VPS33B: variants seen among roughly 807,000 people sequenced by gnomAD.
The protein encoded by VPS33B is VPS33B late endosome and lysosome associated, also known as vacuolar protein sorting-associated protein 33B.
A neutral mutation model predicts 95.3 loss-of-function variants in VPS33B; 80 were observed. The observed-to-expected ratio is 0.84, with a 90% CI of 0.70 to 1.01. The LOEUF is 1.01. VPS33B is among the 50% of genes least tolerant of loss of function. The pLI, the probability that VPS33B is intolerant of heterozygous loss-of-function variation, is 0.00. For synonymous variants in VPS33B, 280 were observed against 280.4 expected (o/e 1.00, Z 0.01); for missense variants, 715 against 773.4 (o/e 0.92, Z 0.90).
At position 91,005,564 on chromosome 15, in the gene VPS33B, C is replaced by T. The variant is rs915124154; in HGVS notation, c.1031-110G>A. ...AGGCAAAATCCGAAAGCACTTCTTC[C>T]CACTTTACACCAAGTAAGACCATAT... On this transcript the variant is annotated intron_variant, in intron 13 of 22. Coordinates refer to ENST00000333371, the MANE Select transcript of VPS33B (RefSeq NM_018668.5). This position sits in a 1 kb window ranked among gnomAD's most constrained non-coding sequence, Gnocchi z 6.4. 6.3e-7 allele frequency: 1 copy of T among 1,580,868 alleles called. No homozygotes were observed. The highest frequency in any genetic ancestry group is 8.7e-7 in the Non-Finnish European group (1 of 1,150,118).
At chr15:91,017,187 T>A in intron 2 of VPS33B, 163 bp from the exon 3 acceptor site, 1 of 675,838 alleles carries the variant, frequency 1.5e-6, no homozygotes, top group East Asian at 2.8e-5. Flanking sequence ...CCACTGAATT[T>A]TCCTCAAACT....
rs149777760 is a variant in VPS33B, at chr15:91,016,922, C to T, written c.239+41G>A. ...AAGGCAGACGTGCCCCTAGGGACCT[C>T]TTCCAGCTTGGAGTAGGGACAGACT... On this transcript the variant is annotated intron_variant, in intron 3 of 22. Coordinates refer to ENST00000333371, the MANE Select transcript of VPS33B (RefSeq NM_018668.5). 446 of 1,607,678 alleles carry T rather than the reference C, an allele frequency of 2.8e-4. 5 individuals are homozygous for T. In the East Asian group the frequency reaches 8.9e-3, roughly 32 times the overall value.
At chr15:91,012,069 GAAA>G (rs75535328) in intron 5 of VPS33B, among the ~76,000 whole-genome samples, 1 of 104,332 alleles carries the variant, frequency 9.6e-6, no homozygotes, top group Non-Finnish European at 2.1e-5. Flanking sequence ...AATTTGAAAA[GAAA>G]AAAAAAAAAA....
intron 5 of VPS33B, among the ~76,000 whole-genome samples, chr15:91,012,510 T>A (rs1233136075): frequency 6.6e-6 from 1 of 152,224 alleles, no homozygotes; most frequent in Non-Finnish European, 1.5e-5. Context: ...AGGGTGGATT[T>A]TATCCAGACA....
Position 91,002,149 on chromosome 15 carries a change from T to C in VPS33B, c.1306A>G (p.Asn436Asp). The C allele has an allele frequency of 6.2e-7, 1 of 1,614,140 alleles. No individual in the cohort carries two copies. The highest frequency in any genetic ancestry group is 8.5e-7 in the Non-Finnish European group (1 of 1,180,016). The change falls in exon 18 of 23, where the codon AAT becomes GAT. Residue 436 changes from asparagine (N) to aspartate (D), a missense_variant. Coordinates refer to ENST00000333371, the MANE Select transcript of VPS33B (RefSeq NM_018668.5). The surrounding 1 kb of genome is among the most constrained non-coding windows in gnomAD (Gnocchi z 4.7). Reference sequence around the variant, plus strand: ...GTTAGGAGCCCAGCTCTTCGCAGATTGGAGAAGGTTAGCAGGTGCTCAGGG... The same window carrying C: ...GTTAGGAGCCCAGCTCTTCGCAGATCGGAGAAGGTTAGCAGGTGCTCAGGG... ...YGPEHLLTFSNLRRAGLLTEQ... is the reference protein window; with the variant it reads ...YGPEHLLTFSDLRRAGLLTEQ...
At chr15:91,016,236 T>C (rs1221907708) in intron 3 of VPS33B, among the ~76,000 whole-genome samples, 2 of 152,090 alleles carry the variant, frequency 1.3e-5, no homozygotes, top group Non-Finnish European at 2.9e-5. Flanking sequence ...TGGAAGCACA[T>C]GTCAACAGAG....
intron 1 of VPS33B, among the ~76,000 whole-genome samples, chr15:91,019,920 C>G (rs892830141): frequency 2.6e-5 from 4 of 152,104 alleles, no homozygotes; most frequent in African/African-American, 9.7e-5. Flanking sequence ...ATTCTCCTGC[C>G]TCAGCCTCTT....
In VPS33B at chr15:91,007,663, G is replaced by T; in HGVS notation, c.499-90C>A. On this transcript the variant is annotated intron_variant, in intron 7 of 22. Transcript: ENST00000333371. This position sits in a 1 kb window ranked among gnomAD's most constrained non-coding sequence, Gnocchi z 5.3. ...AGCCCTAGAAGCCCTGGAGCAGGGT[G>T]GCAGGGCCTGGGGGATGCTTGAAAG... The T allele has an allele frequency of 7.1e-7, 1 of 1,415,064 alleles. No individual in the cohort carries two copies. The highest frequency in any genetic ancestry group is 1.4e-5 in the African/African-American group (1 of 70,950). The allele number at this position is 1,415,064 out of a possible 1,614,324, so 87.7% of individuals were successfully genotyped here.
In VPS33B at chr15:91,007,041, T is replaced by C. The variant is rs76867988; in HGVS notation, c.609A>G (p.Ala203=). 7,639 of 1,611,024 alleles carry C rather than the reference T, an allele frequency of 4.7e-3. 287 individuals are homozygous for C. In the African/African-American group the frequency reaches 0.087, roughly 18 times the overall value. The change falls in exon 9 of 23, where the codon GCA becomes GCG. Residue 203 remains alanine (A), a synonymous_variant. Coordinates refer to ENST00000333371, the MANE Select transcript of VPS33B (RefSeq NM_018668.5). The surrounding 1 kb of genome is among the most constrained non-coding windows in gnomAD (Gnocchi z 5.3). The part of the protein sequence containing the change: ...CYGIGRCAKM[A]YELWRNLEEE... ...CCTCCAGGTTCCTCCACAATTCATATGCCATCTGCCAGGGCCCAAGACATT... is the reference window on the plus strand; with the variant it reads ...CCTCCAGGTTCCTCCACAATTCATACGCCATCTGCCAGGGCCCAAGACATT...
At position 91,018,593 on chromosome 15, in the gene VPS33B, C is replaced by A. The variant is rs570829719; in HGVS notation, c.97-708G>T. Among the ~76,000 whole-genome samples the A allele has an allele frequency of 2.0e-5, 3 of 152,070 alleles. No homozygotes were observed. The highest frequency in any genetic ancestry group is 2.9e-5 in the Non-Finnish European group (2 of 68,008). ...GAGCATAGGCTGTGTAGTAAGGGGA[C>A]GATTTTGCCCTCCGAGGGACATTTG... On this transcript the variant is annotated intron_variant, in intron 1 of 22. Transcript: ENST00000333371. This position sits in a 1 kb window ranked among gnomAD's most constrained non-coding sequence, Gnocchi z 4.7.
rs1180233779 is a variant in VPS33B, at chr15:91,002,228, T to A, written c.1273-46A>T. ...CTATTTACTGAGTGTCCAAAGAGCATCTAGTACTGTCAGGTACTACAGAGT... is the reference window on the plus strand; with the variant it reads ...CTATTTACTGAGTGTCCAAAGAGCAACTAGTACTGTCAGGTACTACAGAGT... On this transcript the variant is annotated intron_variant, in intron 17 of 22. Coordinates refer to ENST00000333371, the MANE Select transcript of VPS33B (RefSeq NM_018668.5). The surrounding 1 kb of genome is among the most constrained non-coding windows in gnomAD (Gnocchi z 4.7). 6.2e-7 allele frequency: 1 copy of A among 1,610,980 alleles called. No individual in the cohort carries two copies. Among genetic ancestry groups the A allele is most frequent in the African/African-American group, 1.3e-5 (1 of 74,898 alleles).
chr15:91,017,013 T>A lies in VPS33B; in HGVS notation c.189A>T (p.Val63=). The part of the protein sequence containing the change: ...ANVSILKQHE[V]DKLYKVENKP... ...TGTTCTCCACCTTGTATAGCTTGTC[T>A]ACTTCGTGTTGCTACAGAGAGAATC... Residue 63 remains valine, a synonymous_variant, in exon 3 of 23, where the codon GTA becomes GTT. Transcript: ENST00000333371. 2 of 1,613,976 alleles carry A rather than the reference T, an allele frequency of 1.2e-6. No homozygotes were observed. The highest frequency in any genetic ancestry group is 1.7e-6 in the Non-Finnish European group (2 of 1,179,948).
In VPS33B at chr15:91,018,919, A is replaced by T. The variant is rs1453057696; in HGVS notation, c.97-1034T>A. ...CAACCTCCGCCTCCCGGATTCAAGCAATTCTCTGCCTCAGCCTCCCGAGTA... is the reference window on the plus strand; with the variant it reads ...CAACCTCCGCCTCCCGGATTCAAGCTATTCTCTGCCTCAGCCTCCCGAGTA... On this transcript the variant is annotated intron_variant, in intron 1 of 22. Coordinates refer to ENST00000333371, the MANE Select transcript of VPS33B (RefSeq NM_018668.5). This position sits in a 1 kb window ranked among gnomAD's most constrained non-coding sequence, Gnocchi z 4.7. 6.6e-6 allele frequency among the ~76,000 whole-genome samples: 1 copy of T among 151,870 alleles called. No individual in the cohort carries two copies. The highest frequency in any genetic ancestry group is 1.5e-5 in the Non-Finnish European group (1 of 67,988).
At chr15:91,012,803 C>A (rs905138214) in intron 5 of VPS33B, among the ~76,000 whole-genome samples, 2 of 152,158 alleles carry the variant, frequency 1.3e-5, no homozygotes, top group African/African-American at 4.8e-5. Context: ...TGATGGACCT[C>A]CAAATATGTA....
At chr15:91,003,270 G>A in intron 16 of VPS33B, 139 bp from the exon 17 acceptor site, 1 of 856,152 alleles carries the variant, frequency 1.2e-6, no homozygotes. Flanking sequence ...GTATACATTT[G>A]GTTCTAAATT....
rs976644108 is a variant in VPS33B at position 91,011,866 on chromosome 15, G to A, written c.357+1938C>T. ...TAGCCACGCACGGTGGTGCACATCT[G>A]TAGTCCCAGCTACTCGGGAAGCTGA... On this transcript the variant is annotated intron_variant, in intron 5 of 22. Transcript: ENST00000333371. This position sits in a 1 kb window ranked among gnomAD's most constrained non-coding sequence, Gnocchi z 5.5. 2.6e-5 allele frequency among the ~76,000 whole-genome samples: 4 copies of A among 152,066 alleles called. No individual in the cohort carries two copies. The highest frequency in any genetic ancestry group is 7.2e-5 in the African/African-American group (3 of 41,394).
chr15:91,010,797 A>C lies in VPS33B; in HGVS notation c.358-951T>G, dbSNP rs1475430617. Among the ~76,000 whole-genome samples the C allele has an allele frequency of 6.6e-6, 1 of 152,176 alleles. No homozygotes were observed. The highest frequency in any genetic ancestry group is 1.5e-5 in the Non-Finnish European group (1 of 68,026). On this transcript the variant is annotated intron_variant, in intron 5 of 22. Transcript: ENST00000333371. The surrounding 1 kb of genome is among the most constrained non-coding windows in gnomAD (Gnocchi z 5.7). Reference sequence around the variant, plus strand: ...CAAGGCAGGAAAGGTGAGAGTTGCAAGGAAGGGTGGGCAACAGTGTCAAAT... The same window carrying C: ...CAAGGCAGGAAAGGTGAGAGTTGCACGGAAGGGTGGGCAACAGTGTCAAAT...
rs2040736881 is a variant in VPS33B, at chr15:91,009,971, C to T, written c.358-125G>A. ...GAACCCAGTGAAAGACAAGAGAACCCAGACTCTTAAGATCTAGAAAGAACC... is the reference window on the plus strand; with the variant it reads ...GAACCCAGTGAAAGACAAGAGAACCTAGACTCTTAAGATCTAGAAAGAACC... On this transcript the variant is annotated intron_variant, in intron 5 of 22. Coordinates refer to ENST00000333371, the MANE Select transcript of VPS33B (RefSeq NM_018668.5). The surrounding 1 kb of genome is among the most constrained non-coding windows in gnomAD (Gnocchi z 4.1). 1.6e-5 allele frequency: 17 copies of T among 1,039,074 alleles called. No homozygotes were observed. The Admixed American group carries it at 1.7e-4, about 10-fold the overall frequency. The allele number at this position is 1,039,074 out of a possible 1,614,324, so 64.4% of individuals were successfully genotyped here. A position where few individuals can be genotyped will look rare whatever the true frequency, so the allele number is the denominator to read the frequency against.
rs2040373080 is a variant in VPS33B, at chr15:90,999,581, A to G, written c.1774+96T>C. 1 of 1,323,800 alleles carries G rather than the reference A, an allele frequency of 7.6e-7. No individual in the cohort carries two copies. Among genetic ancestry groups the G allele is most frequent in the African/African-American group, 1.4e-5 (1 of 69,154 alleles). 82.0% of individuals were successfully genotyped at this position (1,323,800 alleles called of 1,614,324 possible). A position where few individuals can be genotyped will look rare whatever the true frequency, so the allele number is the denominator to read the frequency against. ...TGATCTGCCCGCCTCCGCCTCCCAA[A>G]GTGCTGAGATTACAGGTATGAACCA... On this transcript the variant is annotated intron_variant, in intron 22 of 22. Coordinates refer to ENST00000333371, the MANE Select transcript of VPS33B (RefSeq NM_018668.5). This position sits in a 1 kb window ranked among gnomAD's most constrained non-coding sequence, Gnocchi z 5.1.
Sources: allele counts gnomAD v4.1 joint callset (sites outside exome capture counted in the v4.1 genomes callset), GRCh38; gene constraint gnomAD v4.1.1; non-coding constraint Gnocchi (gnomAD v3.1); transcripts MANE v1.5; gene names NCBI Gene and HGNC (gene_info 2026-07-23, HGNC 2026-07-21).